Variants in GABRG2 observed in about 807,000 individuals in gnomAD.
GABRG2 encodes gamma-aminobutyric acid type A receptor subunit gamma2.
GABRG2 carries 16 observed loss-of-function variants against 56.4 expected under a neutral mutation model. The ratio of observed to expected loss-of-function variants is 0.28; its 90% confidence interval spans 0.19 to 0.43. GABRG2 has a LOEUF of 0.43. GABRG2 is among the 20% of genes least tolerant of loss of function. The pLI, the probability that GABRG2 is intolerant of heterozygous loss-of-function variation, is 1.00. For synonymous variants in GABRG2, 208 were observed against 205.5 expected, an observed-to-expected ratio of 1.01 and a Z score of -0.10; for missense variants, 327 against 582.7, an observed-to-expected ratio of 0.56 and a Z score of 4.52.
intron 1 of GABRG2, among the ~76,000 whole-genome samples, chr5:162,078,123 CA>C (rs1358917502): frequency 2.0e-5 from 3 of 151,846 alleles, no homozygotes; most frequent in Non-Finnish European, 4.4e-5. Flanking sequence ...GCTACTAAAA[CA>C]AAACACCATA....
rs1384886866 is a variant in GABRG2, at chr5:162,099,387, G to C, written c.548+1529G>C. ...AGGTTCAAGTGATGTTCCCACCTCA[G>C]CCTCCCAAGTAGCTGGGACCACAGG... On this transcript the variant is annotated intron_variant, in intron 4 of 9. Transcript: ENST00000639213. 2.6e-5 allele frequency: 4 copies of C among 152,308 alleles called. No homozygotes were observed. In the South Asian group the frequency reaches 6.2e-4, roughly 24 times the overall value. The allele number at this position is 152,308 out of a possible 1,614,324, so 9.4% of individuals were successfully genotyped here.
chr5:162,084,781 G>A (rs962490055), intron 1 of GABRG2, among the ~76,000 whole-genome samples: 21 of 151,758 alleles, frequency 1.4e-4, no homozygotes, highest in African/African-American at 4.4e-4. Flanking sequence ...TCTCTTTTAT[G>A]GTTTGCATAT....
chr5:162,117,015 A>C (rs387554), intron 6 of GABRG2, among the ~76,000 whole-genome samples: 70,824 of 151,850 alleles, frequency 0.47, 17,782 homozygotes, highest in East Asian at 0.85. Flanking sequence ...ACTGCCCAAG[A>C]ATGAAAATGT....
intron 6 of GABRG2, among the ~76,000 whole-genome samples, chr5:162,128,582 C>T (rs1236583234): frequency 6.6e-6 from 1 of 151,946 alleles, no homozygotes; most frequent in Admixed American, 6.6e-5. Flanking sequence ...AAATATTCCT[C>T]CATGCTGAGC....
At chr5:162,090,325 C>CCATACACATACACATACACATACA (rs10672843) in intron 1 of GABRG2, among the ~76,000 whole-genome samples, 122 of 150,948 alleles carry the variant, frequency 8.1e-4, no homozygotes, top group African/African-American at 2.9e-3. Context: ...CATACACATA[C>CCATACACATACACATACACATACA]CATACACATA....
At chr5:162,091,488 T>C (rs1017315484) in intron 1 of GABRG2, among the ~76,000 whole-genome samples, 1 of 152,206 alleles carries the variant, frequency 6.6e-6, no homozygotes, top group Non-Finnish European at 1.5e-5. Context: ...TTGAGACTTA[T>C]CAGGGTTAAA....
Position 162,153,392 on chromosome 5 carries a change from G to T in GABRG2, c.*24G>T. On this transcript the variant is annotated 3_prime_UTR_variant, in exon 10 of 10. Coordinates refer to ENST00000639213, the MANE Select transcript of GABRG2 (RefSeq NM_198904.4). ...GAGGAGGTATGGGTTTTACTGATATGGTTCTTATTCACTGAGTCTCATGGA... is the reference window on the plus strand; with the variant it reads ...GAGGAGGTATGGGTTTTACTGATATTGTTCTTATTCACTGAGTCTCATGGA... 6.2e-7 allele frequency: 1 copy of T among 1,612,502 alleles called. No homozygotes were observed. The highest frequency in any genetic ancestry group is 8.5e-7 in the Non-Finnish European group (1 of 1,178,668).
intron 4 of GABRG2, chr5:162,100,566 A>G (rs1269308087): frequency 6.6e-6 from 1 of 152,284 alleles, no homozygotes; most frequent in Non-Finnish European, 1.5e-5. Context: ...ACTAACTAAT[A>G]AGGCATAAAC....
At chr5:162,105,580 C>A (rs910584338) in intron 6 of GABRG2, among the ~76,000 whole-genome samples, 4 of 151,782 alleles carry the variant, frequency 2.6e-5, no homozygotes, top group Non-Finnish European at 4.4e-5. Flanking sequence ...CAGGCGCCCA[C>A]CACCACGCCT....
At chr5:162,139,901 G>A (rs1764429162) in intron 6 of GABRG2, among the ~76,000 whole-genome samples, 1 of 152,068 alleles carries the variant, frequency 6.6e-6, no homozygotes, top group Non-Finnish European at 1.5e-5. Context: ...AATAAGAGAG[G>A]ATGCATTTGC....
chr5:162,100,674 C>A (rs964195827), intron 4 of GABRG2, among the ~76,000 whole-genome samples: 5 of 152,128 alleles, frequency 3.3e-5, no homozygotes, highest in African/African-American at 1.2e-4. Context: ...TCTATAATAT[C>A]CTATTTAATG....
chr5:162,081,562 TTC>T (rs1470851440), intron 1 of GABRG2, among the ~76,000 whole-genome samples: 53 of 152,140 alleles, frequency 3.5e-4, no homozygotes, highest in African/African-American at 1.1e-3. Context: ...AGATTTTTCT[TTC>T]AAGAATATAA....
At chr5:162,092,658 G>T (rs1760690787) in intron 1 of GABRG2, among the ~76,000 whole-genome samples, 1 of 152,064 alleles carries the variant, frequency 6.6e-6, no homozygotes, top group South Asian at 2.1e-4. Context: ...AATGAAGAAA[G>T]GTGATAAATC....
chr5:162,084,267 T>G lies in GABRG2; in HGVS notation c.108-9561T>G, dbSNP rs1356584040. The stretch of plus-strand genomic sequence containing the variant: ...CCTATGTGACACTTAATTAAAATTG[T>G]CTGTGTACTAGAGCAGATGTCCCAA... On this transcript the variant is annotated intron_variant, in intron 1 of 9. Coordinates refer to ENST00000639213, the MANE Select transcript of GABRG2 (RefSeq NM_198904.4). 2.0e-5 allele frequency among the ~76,000 whole-genome samples: 3 copies of G among 148,842 alleles called. No homozygotes were observed. The East Asian group carries it at 6.3e-4, about 31-fold the overall frequency.
At chr5:162,083,964 T>G (rs1284696303) in intron 1 of GABRG2, among the ~76,000 whole-genome samples, 1 of 151,816 alleles carries the variant, frequency 6.6e-6, no homozygotes, top group East Asian at 1.9e-4. Context: ...CAATACAAAC[T>G]GGAAATCAGT....
intron 6 of GABRG2, among the ~76,000 whole-genome samples, chr5:162,107,949 A>C (rs1208954098): frequency 1.3e-5 from 2 of 152,134 alleles, no homozygotes; most frequent in African/African-American, 4.8e-5. Flanking sequence ...GCCTGCTGTC[A>C]ATTTCTCTCT....
intron 1 of GABRG2, among the ~76,000 whole-genome samples, chr5:162,075,478 A>G (rs1182896508): frequency 1.3e-5 from 2 of 151,300 alleles, no homozygotes; most frequent in Non-Finnish European, 3.0e-5. Flanking sequence ...AATTAATCAG[A>G]AAAAAAAATG....
At chr5:162,117,227 G>T (rs1445570029) in intron 6 of GABRG2, among the ~76,000 whole-genome samples, 1 of 152,174 alleles carries the variant, frequency 6.6e-6, no homozygotes. Flanking sequence ...TTTCTTTGTT[G>T]TACTGCTGGG....
chr5:162,132,551 G>A (rs1763836311), intron 6 of GABRG2, among the ~76,000 whole-genome samples: 1 of 151,980 alleles, frequency 6.6e-6, no homozygotes, highest in African/African-American at 2.4e-5. Flanking sequence ...ACTCAAAGGA[G>A]CATATCTAGC....
Sources: allele counts gnomAD v4.1 joint callset (sites outside exome capture counted in the v4.1 genomes callset), GRCh38; gene constraint gnomAD v4.1.1; transcripts MANE v1.5; gene names NCBI Gene and HGNC (gene_info 2026-07-23, HGNC 2026-07-21).